NRK: variants seen among roughly 807,000 people sequenced by gnomAD.
NRK encodes Nik related kinase.
In NRK, 67 loss-of-function variants were observed where a neutral mutation model predicts 125.2. The ratio of observed to expected loss-of-function variants is 0.54; its 90% CI spans 0.44 to 0.66. The LOEUF (loss-of-function observed/expected upper bound fraction) is 0.66. Among genes scored for constraint, NRK ranks in the 30% least tolerant of loss-of-function variants. The pLI, the probability that NRK is intolerant of heterozygous loss-of-function variation, is 0.00. For missense variants in NRK, 1,224 were observed against 1,192.9 expected (o/e 1.03, Z -0.38); for synonymous variants, 458 against 429.0 (o/e 1.07, Z -0.84).
At chrX:105,895,694 C>A (rs923910667) in intron 7 of NRK, among the ~76,000 whole-genome samples, 171 bp downstream of exon 7, 1 of 111,086 alleles carries the variant, frequency 9.0e-6, no homozygotes, top group Non-Finnish European at 1.9e-5. Flanking sequence ...GGAGAGGAGG[C>A]GGGGCAAAAG....
chrX:105,915,291 A>G (rs1328876669), intron 14 of NRK, among the ~76,000 whole-genome samples: 1 of 111,027 alleles, frequency 9.0e-6, no homozygotes, highest in Non-Finnish European at 1.9e-5. Flanking sequence ...GGATGAGTGT[A>G]TAAGAATTAG....
intron 15 of NRK, among the ~76,000 whole-genome samples, chrX:105,917,086 G>C (rs1451678084): frequency 9.0e-6 from 1 of 110,956 alleles, no homozygotes; most frequent in Non-Finnish European, 1.9e-5. Context: ...TAGTAAGAAC[G>C]AAAGTGCTCT....
chrX:105,929,330 T>C (rs1262366108), intron 19 of NRK, among the ~76,000 whole-genome samples: 1 of 112,022 alleles, frequency 8.9e-6, no homozygotes, highest in Non-Finnish European at 1.9e-5. Context: ...GATTTCTGTT[T>C]ACATGGAATA....
chrX:105,924,750 G>A lies in NRK; in HGVS notation c.3031G>A (p.Gly1011Arg), dbSNP rs2040500477. 8.3e-7 allele frequency: 1 copy of A among 1,203,936 alleles called. No individual in the cohort carries two copies. The highest frequency in any genetic ancestry group is 3.0e-5 in the East Asian group (1 of 33,448). Residue 1011 changes from glycine to arginine, a missense_variant, in exon 19 of 29, where the codon GGA (glycine) becomes AGA (arginine). Physicochemically the swap from Gly to Arg is moderately radical, Grantham distance 125. Transcript: ENST00000243300. Reference sequence around the variant, plus strand: ...GCAAGATGGTTATGATGGAAGTCGTGGAAAAGAGGAAGCCTACAGAGGCTA... The same window carrying A: ...GCAAGATGGTTATGATGGAAGTCGTAGAAAAGAGGAAGCCTACAGAGGCTA... ...CKQDGYDGSRGKEEAYRGYGS... is the reference protein window; with the variant it reads ...CKQDGYDGSRRKEEAYRGYGS...
rs992120397 is a variant in NRK, at chrX:105,955,620, A to G, written c.*20A>G. The stretch of plus-strand genomic sequence containing the variant: ...GTCTAAAAGTTTCCAGTGATTTATT[A>G]CCACATTATAAACATCATGTATAGG... On this transcript the variant is annotated 3_prime_UTR_variant, in exon 29 of 29. Coordinates refer to ENST00000243300, the MANE Select transcript of NRK (RefSeq NM_198465.4). The G allele has an allele frequency of 2.3e-6, 2 of 869,433 alleles. No homozygotes were observed. Among genetic ancestry groups the G allele is most frequent in the African/African-American group, 4.0e-5 (2 of 50,605 alleles). 71.7% of individuals were successfully genotyped at this position (869,433 alleles called of 1,213,427 possible). A position where few individuals can be genotyped will look rare whatever the true frequency, so the allele number is the denominator to read the frequency against.
Position 105,899,038 on chromosome X carries a change from G to A in NRK, c.711+324G>A, listed in dbSNP as rs185702791. Among the ~76,000 whole-genome samples the A allele has an allele frequency of 2.7e-3, 303 of 111,261 alleles. No homozygotes were observed. In the South Asian group the frequency reaches 0.041, roughly 15 times the overall value. ...GTATATAAAAATTTAACTTCCAGGA[G>A]CAAAGGGCATTGTAAACTTAAAAAT... On this transcript the variant is annotated intron_variant, in intron 8 of 28. Coordinates refer to ENST00000243300, the MANE Select transcript of NRK (RefSeq NM_198465.4).
chrX:105,935,667 G>A (rs1253322913), intron 21 of NRK, among the ~76,000 whole-genome samples: 1 of 108,947 alleles, frequency 9.2e-6, no homozygotes, highest in African/African-American at 3.3e-5. Flanking sequence ...GCAGGTGCCT[G>A]TAATCCCAGC....
chrX:105,866,788 A>G (rs950046547), intron 2 of NRK, among the ~76,000 whole-genome samples: 8 of 112,486 alleles, frequency 7.1e-5, no homozygotes, highest in African/African-American at 2.6e-4. Flanking sequence ...ATAAGATTAA[A>G]CAAATAGCAT....
At chrX:105,853,321 T>C (rs1411106563) in intron 2 of NRK, among the ~76,000 whole-genome samples, 2 of 111,996 alleles carry the variant, frequency 1.8e-5, no homozygotes, top group African/African-American at 3.2e-5. Flanking sequence ...GTATTTCCGA[T>C]GCATGCACCA....
chrX:105,946,280 TGGCC>T, intron 25 of NRK, 31 bp from the exon 26 acceptor site: 1 of 1,138,944 alleles, frequency 8.8e-7, no homozygotes, highest in Admixed American at 2.5e-5. Flanking sequence ...ATGTCATTTT[TGGCC>T]TTTTGGCCAT....
chrX:105,907,513 C>T (rs962398430), intron 11 of NRK: 6 of 111,483 alleles, frequency 5.4e-5, no homozygotes, highest in Non-Finnish European at 7.5e-5. Context: ...ATTTATTTAC[C>T]TATGGTAATG....
intron 13 of NRK, among the ~76,000 whole-genome samples, chrX:105,911,011 C>G (rs1399933448): frequency 9.0e-6 from 1 of 111,612 alleles, no homozygotes; most frequent in African/African-American, 3.3e-5. Context: ...CAACAAACAT[C>G]TATTGAGGAA....
chrX:105,873,629 G>A (rs1440604295), intron 2 of NRK, among the ~76,000 whole-genome samples: 2 of 111,723 alleles, frequency 1.8e-5, no homozygotes, highest in Admixed American at 9.5e-5. Context: ...CTTTTCATCT[G>A]TCTTCTCTCT....
At chrX:105,949,525 A>G in intron 26 of NRK, 50 bp from the exon 27 acceptor site, 3 of 1,002,900 alleles carry the variant, frequency 3.0e-6, no homozygotes, top group Non-Finnish European at 2.8e-6. Flanking sequence ...CGATTAAAGT[A>G]GTAGTGATAA....
chrX:105,886,164 A>G (rs1602639216), intron 4 of NRK, among the ~76,000 whole-genome samples: 1 of 109,491 alleles, frequency 9.1e-6, no homozygotes, highest in African/African-American at 3.3e-5. Context: ...ATACTTCTAG[A>G]CCTGACTTGT....
chrX:105,945,757 T>C, intron 24 of NRK, 115 bp from the exon 25 acceptor site: 1 of 596,002 alleles, frequency 1.7e-6, no homozygotes, highest in South Asian at 3.0e-5. Flanking sequence ...CGTGATCTGA[T>C]CTTGGCAATG....
chrX:105,863,321 G>GACACACACACACACAC (rs769445045), intron 2 of NRK, among the ~76,000 whole-genome samples: 1 of 60,457 alleles, frequency 1.7e-5, no homozygotes, highest in East Asian at 5.8e-4. Flanking sequence ...AATAGTAACA[G>GACACACACACACACAC]ACACACACAC....
At position 105,956,495 on chromosome X, in the gene NRK, C is replaced by T. The variant is rs1004427251; in HGVS notation, c.*895C>T. 2 of 111,909 alleles carry T rather than the reference C, an allele frequency of 1.8e-5. No homozygotes were observed. Among genetic ancestry groups the T allele is most frequent in the African/African-American group, 6.5e-5 (2 of 30,744 alleles). 9.2% of individuals were successfully genotyped at this position (111,909 alleles called of 1,213,427 possible). On this transcript the variant is annotated 3_prime_UTR_variant, in exon 29 of 29. Transcript: ENST00000243300. The stretch of plus-strand genomic sequence containing the variant: ...GGCCAACAGTGTGACTATCAGACAG[C>T]ATCAAATATTTGCCCAATCCAAGAT...
At chrX:105,883,011 C>G (rs1331205221) in intron 4 of NRK, among the ~76,000 whole-genome samples, 1 of 112,173 alleles carries the variant, frequency 8.9e-6, no homozygotes, top group Non-Finnish European at 1.9e-5. Flanking sequence ...TTCTGGCATC[C>G]TTGAGCTGCC....
Sources: allele counts gnomAD v4.1 joint callset (sites outside exome capture counted in the v4.1 genomes callset), GRCh38; gene constraint gnomAD v4.1.1; transcripts MANE v1.5; gene names NCBI Gene and HGNC (gene_info 2026-07-23, HGNC 2026-07-21).